Variants in BEND7 observed in about 807,000 individuals in gnomAD.
The protein encoded by BEND7 is BEN domain-containing protein 7.
A neutral mutation model predicts 50.9 loss-of-function variants in BEND7; 28 were observed. The ratio of observed to expected loss-of-function variants is 0.55; its 90% CI spans 0.41 to 0.75. The LOEUF (loss-of-function observed/expected upper bound fraction) is 0.75. Among genes scored for constraint, BEND7 ranks in the 30% least tolerant of loss-of-function variants. The probability of loss-of-function intolerance (pLI) is 0.00; values close to 1 mark genes in which losing one functional copy is unlikely to be tolerated. For synonymous variants in BEND7, 170 were observed against 183.9 expected (o/e 0.92, Z 0.61); for missense variants, 477 against 491.3 (o/e 0.97, Z 0.28).
chr10:13,526,900 C>A (rs908240510), intron 1 of BEND7, among the ~76,000 whole-genome samples: 1 of 152,184 alleles, frequency 6.6e-6, no homozygotes, highest in Non-Finnish European at 1.5e-5. Flanking sequence ...AAACTTGCTA[C>A]GTCAGTCAAA....
intron 2 of BEND7, among the ~76,000 whole-genome samples, chr10:13,520,996 G>A (rs1457036106): frequency 3.3e-5 from 5 of 152,092 alleles, no homozygotes; most frequent in African/African-American, 4.8e-5. Flanking sequence ...GCCATTTTTC[G>A]GTCCTAGAGT....
intron 6 of BEND7, among the ~76,000 whole-genome samples, chr10:13,472,223 C>A (rs1219476260): frequency 6.6e-6 from 1 of 151,948 alleles, no homozygotes; most frequent in Non-Finnish European, 1.5e-5. Flanking sequence ...GGGCTGATAT[C>A]CATCATCGCT....
At chr10:13,485,420 G>A (rs979335430) in intron 5 of BEND7, among the ~76,000 whole-genome samples, 28 of 152,172 alleles carry the variant, frequency 1.8e-4, no homozygotes, top group African/African-American at 6.0e-4. Context: ...TTGCAGGCAC[G>A]TGCACAGGGC....
chr10:13,498,458 C>T (rs1242803264), intron 3 of BEND7, among the ~76,000 whole-genome samples: 1 of 152,164 alleles, frequency 6.6e-6, no homozygotes, highest in African/African-American at 2.4e-5. Flanking sequence ...TAACTTCATA[C>T]TTTTCAAAGT....
rs1242054658 is a variant in BEND7, at chr10:13,499,901, G to A, written c.325C>T (p.Leu109Phe). Residue 109 changes from leucine to phenylalanine, a missense_variant, in exon 3 of 9, where the codon CTC becomes TTC. Physicochemically the swap from Leu to Phe is conservative, Grantham distance 22. Transcript: ENST00000466271. Reference protein sequence around the residue: ...LNSSAEAPQSLHPSSRGVWNE... With the variant: ...LNSSAEAPQSFHPSSRGVWNE... ...CACACACCACGTGAAGACGGGTGGA[G>A]GCTTTGCGGGGCCTCAGCAGAGGAG... 6.2e-7 allele frequency: 1 copy of A among 1,614,166 alleles called. No homozygotes were observed. The highest frequency in any genetic ancestry group is 1.1e-5 in the South Asian group (1 of 91,074).
At chr10:13,498,316 A>G (rs2077184069) in intron 3 of BEND7, among the ~76,000 whole-genome samples, 1 of 152,084 alleles carries the variant, frequency 6.6e-6, no homozygotes, top group East Asian at 1.9e-4. Context: ...GCCTCAAGCA[A>G]TCCACTCATC....
chr10:13,491,169 C>CG (rs2076628178), intron 5 of BEND7, among the ~76,000 whole-genome samples: 1 of 151,674 alleles, frequency 6.6e-6, no homozygotes, highest in South Asian at 2.1e-4. Flanking sequence ...TTTCATTAGC[C>CG]GGGGGTGGTG....
chr10:13,469,566 T>C (rs917363555), intron 6 of BEND7, among the ~76,000 whole-genome samples: 8 of 152,152 alleles, frequency 5.3e-5, no homozygotes, highest in African/African-American at 1.7e-4. Context: ...AACCTCCACC[T>C]CCCGGGTTCA....
At chr10:13,515,924 G>A (rs2078635943) in intron 2 of BEND7, among the ~76,000 whole-genome samples, 1 of 151,982 alleles carries the variant, frequency 6.6e-6, no homozygotes. Context: ...CAACAATGGT[G>A]TACGTTTACG....
intron 7 of BEND7, among the ~76,000 whole-genome samples, chr10:13,450,845 T>A (rs1837513453): frequency 6.6e-6 from 1 of 151,572 alleles, no homozygotes; most frequent in African/African-American, 2.4e-5. Context: ...TGGGGGGAAA[T>A]GGGCATTTGT....
At chr10:13,469,949 G>A (rs773687891) in intron 6 of BEND7, among the ~76,000 whole-genome samples, 4 of 152,156 alleles carry the variant, frequency 2.6e-5, no homozygotes, top group Admixed American at 1.3e-4. Flanking sequence ...TAGTCAATAC[G>A]TGTTATGGAA....
intron 1 of BEND7, chr10:13,527,918 T>C: frequency 1.2e-6 from 1 of 823,918 alleles, no homozygotes; most frequent in Non-Finnish European, 1.5e-6. Flanking sequence ...GATGCTTATC[T>C]GACTGCTATA....
chr10:13,506,218 G>A (rs940899526), intron 2 of BEND7, among the ~76,000 whole-genome samples: 6 of 152,082 alleles, frequency 3.9e-5, no homozygotes, highest in African/African-American at 9.7e-5. Flanking sequence ...CAGATGGCAC[G>A]CTCTGCTTCC....
At position 13,492,811 on chromosome 10, in the gene BEND7, G is replaced by A. The variant is rs1167118753; in HGVS notation, c.637C>T (p.Arg213Ter). 1.2e-6 allele frequency: 2 copies of A among 1,608,440 alleles called. No homozygotes were observed. Among genetic ancestry groups the A allele is most frequent in the Non-Finnish European group, 1.7e-6 (2 of 1,178,828 alleles). ...LICSQRTAVS[R>*]KRNKKKKVPP... is the part of the protein sequence containing the mutation. The stretch of plus-strand genomic sequence containing the variant: ...ACTTTTTTCTTTTTATTTCTCTTTC[G>A]TGAGACAGCAGTTCGCTGGGAGCAT... Residue 213 changes from arginine (R) to a stop codon, truncating the protein, a stop_gained, in exon 5 of 9, where the codon CGA becomes TGA. Coordinates refer to ENST00000466271, the MANE Select transcript of BEND7 (RefSeq NM_001369863.1). LOFTEE classifies it high-confidence loss of function.
chr10:13,453,452 T>C (rs1247548128), intron 6 of BEND7, among the ~76,000 whole-genome samples: 1 of 152,164 alleles, frequency 6.6e-6, no homozygotes, highest in African/African-American at 2.4e-5. Flanking sequence ...AATTTCGATG[T>C]TTTAAAAGGT....
At chr10:13,497,375 C>G (rs749719019) in intron 3 of BEND7, among the ~76,000 whole-genome samples, 6 of 152,114 alleles carry the variant, frequency 3.9e-5, no homozygotes, top group Non-Finnish European at 8.8e-5. Flanking sequence ...ATTTCAAAAA[C>G]AAAGAACTGT....
intron 5 of BEND7, among the ~76,000 whole-genome samples, chr10:13,485,437 G>A (rs1312096844): frequency 6.6e-6 from 1 of 152,176 alleles, no homozygotes; most frequent in Non-Finnish European, 1.5e-5. Flanking sequence ...GGGCTGTTTG[G>A]ACTAGGTCAT....
At chr10:13,496,570 G>C (rs2077034368) in intron 4 of BEND7, among the ~76,000 whole-genome samples, 196 bp downstream of exon 4, 1 of 152,180 alleles carries the variant, frequency 6.6e-6, no homozygotes. Context: ...TGTATCAGTA[G>C]CAAGACAAAA....
intron 2 of BEND7, among the ~76,000 whole-genome samples, chr10:13,507,532 A>G (rs918424780): frequency 4.6e-5 from 7 of 152,240 alleles, no homozygotes; most frequent in Non-Finnish European, 1.0e-4. Flanking sequence ...GGAAAGATGA[A>G]GGGGGGCTGG....
Sources: allele counts gnomAD v4.1 joint callset (sites outside exome capture counted in the v4.1 genomes callset), GRCh38; gene constraint gnomAD v4.1.1; transcripts MANE v1.5; gene names NCBI Gene and HGNC (gene_info 2026-07-23, HGNC 2026-07-21).